The following SHISA9 variants were observed in gnomAD, a reference collection of about 807,000 sequenced individuals.
SHISA9 encodes shisa family member 9, also known as protein shisa-9.
A neutral mutation model predicts 38.0 loss-of-function variants in SHISA9; 13 were observed. That is an observed-to-expected ratio of 0.34 (90% CI 0.22 to 0.54). The LOEUF (loss-of-function observed/expected upper bound fraction) is 0.54. Ranked by LOEUF, SHISA9 falls within the 20% of genes least tolerant of loss-of-function variation. SHISA9 has a pLI of 0.91. For synonymous variants in SHISA9, 275 were observed against 242.0 expected, an observed-to-expected ratio of 1.14 and a Z score of -1.27; for missense variants, 538 against 575.8, an observed-to-expected ratio of 0.93 and a Z score of 0.67.
chr16:13,254,915 C>G, the SHISA9 span, among the ~76,000 whole-genome samples: 1 of 152,234 alleles, frequency 6.6e-6, no homozygotes, highest in African/African-American at 2.4e-5. Flanking sequence ...AGCAGAGGAT[C>G]AGGCCTGAAC....
the SHISA9 span, among the ~76,000 whole-genome samples, chr16:13,392,007 A>G: frequency 2.0e-5 from 3 of 152,268 alleles, no homozygotes; most frequent in South Asian, 6.2e-4. Context: ...GTTTATAGCC[A>G]TCTGCTGCCA....
chr16:13,259,142 T>C, the SHISA9 span, among the ~76,000 whole-genome samples: 7 of 152,110 alleles, frequency 4.6e-5, no homozygotes, highest in Non-Finnish European at 8.8e-5. Flanking sequence ...CCATTCCAAA[T>C]GGGAGAAATT....
chr16:13,063,805 T>C (rs1596621380), intron 2 of SHISA9, among the ~76,000 whole-genome samples: 2 of 152,156 alleles, frequency 1.3e-5, no homozygotes, highest in Non-Finnish European at 2.9e-5. Context: ...TATGACCCTA[T>C]GCGGCCCTCA....
At chr16:13,198,387 T>C (rs1298316808) in intron 2 of SHISA9, among the ~76,000 whole-genome samples, 1 of 152,144 alleles carries the variant, frequency 6.6e-6, no homozygotes, top group African/African-American at 2.4e-5. Flanking sequence ...TGCATACATA[T>C]ATACTTGTAT....
intron 2 of SHISA9, among the ~76,000 whole-genome samples, chr16:13,097,701 G>A (rs2073841587): frequency 6.6e-6 from 1 of 152,164 alleles, no homozygotes; most frequent in East Asian, 1.9e-4. Context: ...ACCATGCCTG[G>A]CCTGATCATG....
chr16:12,904,503 G>T (rs1158325842), intron 1 of SHISA9, among the ~76,000 whole-genome samples: 1 of 152,100 alleles, frequency 6.6e-6, no homozygotes, highest in Non-Finnish European at 1.5e-5. Context: ...CCAACTTCCT[G>T]GTCCTGCCCC....
the SHISA9 span, among the ~76,000 whole-genome samples, chr16:13,305,497 T>C: frequency 6.6e-6 from 1 of 152,214 alleles, no homozygotes; most frequent in African/African-American, 2.4e-5. Flanking sequence ...CTGGTTTCTA[T>C]CCTGTCTTCC....
chr16:13,015,896 T>TTCTC (rs1467479591), intron 2 of SHISA9, among the ~76,000 whole-genome samples: 16 of 125,826 alleles, frequency 1.3e-4, no homozygotes, highest in African/African-American at 4.5e-4. Context: ...CTTTCTTTCT[T>TTCTC]TCTTTCTTTC....
chr16:13,069,473 GTA>G (rs1254351875), intron 2 of SHISA9, among the ~76,000 whole-genome samples: 3 of 151,904 alleles, frequency 2.0e-5, no homozygotes, highest in Non-Finnish European at 4.4e-5. Context: ...ATGTGTATGT[GTA>G]TATGTGTACA....
the SHISA9 span, among the ~76,000 whole-genome samples, chr16:13,446,522 G>A: frequency 6.6e-6 from 1 of 152,164 alleles, no homozygotes; most frequent in South Asian, 2.1e-4. Context: ...GCTTTCAATT[G>A]CTGCAGTGAG....
At chr16:13,531,377 C>G in the SHISA9 span, among the ~76,000 whole-genome samples, 2 of 152,144 alleles carry the variant, frequency 1.3e-5, no homozygotes, top group African/African-American at 4.8e-5. Context: ...ATGTGCCAGA[C>G]ACATATCTTA....
At chr16:13,339,847 T>C in the SHISA9 span, among the ~76,000 whole-genome samples, 412 of 152,338 alleles carry the variant, frequency 2.7e-3, 2 homozygotes, top group African/African-American at 9.4e-3. Context: ...CTTAGATTGT[T>C]ATGAAAGTTA....
downstream of SHISA9, among the ~76,000 whole-genome samples, chr16:13,241,018 C>T (rs543122418): frequency 2.1e-4 from 32 of 152,290 alleles, no homozygotes; most frequent in Non-Finnish European, 3.2e-4. Flanking sequence ...CCACTATGCA[C>T]GGCTGGAGTT....
chr16:13,199,446 G>C (rs2050982623), intron 2 of SHISA9, among the ~76,000 whole-genome samples: 1 of 152,178 alleles, frequency 6.6e-6, no homozygotes, highest in African/African-American at 2.4e-5. Context: ...CCTTCCCTCT[G>C]GTCAGTTTCA....
At chr16:13,398,817 C>G in the SHISA9 span, among the ~76,000 whole-genome samples, 1 of 152,090 alleles carries the variant, frequency 6.6e-6, no homozygotes, top group African/African-American at 2.4e-5. Flanking sequence ...CGGCCTTATT[C>G]ACCAATCTTA....
chr16:13,382,014 A>G, the SHISA9 span, among the ~76,000 whole-genome samples: 1 of 152,256 alleles, frequency 6.6e-6, no homozygotes, highest in Admixed American at 6.5e-5. Context: ...AAAATGTGAT[A>G]TGTTAAACAC....
intron 2 of SHISA9, among the ~76,000 whole-genome samples, chr16:13,155,568 AGT>A (rs2050536876): frequency 6.8e-6 from 1 of 147,820 alleles, no homozygotes; most frequent in Non-Finnish European, 1.5e-5. Context: ...GGCCTTTCAT[AGT>A]GTGTTTGTTT....
chr16:13,557,111 G>C, the SHISA9 span, among the ~76,000 whole-genome samples: 387 of 152,238 alleles, frequency 2.5e-3, 1 homozygote, highest in African/African-American at 8.9e-3. Flanking sequence ...AATAAATATT[G>C]AAATAATCAA....
chr16:13,391,648 C>G, the SHISA9 span, among the ~76,000 whole-genome samples: 1 of 152,090 alleles, frequency 6.6e-6, no homozygotes, highest in African/African-American at 2.4e-5. Flanking sequence ...TGTCCAGGTT[C>G]CACCCTAGAT....
Sources: gnomAD v4.1 joint callset for allele counts (sites outside exome capture counted in the v4.1 genomes callset) on GRCh38, gnomAD v4.1.1 for gene constraint, MANE v1.5 for transcripts, NCBI Gene and HGNC (gene_info 2026-07-23, HGNC 2026-07-21) for gene names.